Variants in SETBP1 observed in about 807,000 individuals in gnomAD.
SETBP1 encodes SET binding protein 1, also known as SET-binding protein.
A neutral mutation model predicts 101.0 loss-of-function variants in SETBP1; 9 were observed. The observed-to-expected ratio is 0.09, with a 90% CI of 0.05 to 0.16. The LOEUF (loss-of-function observed/expected upper bound fraction) is 0.16, where lower values mean the gene tolerates loss of function less well. Among genes scored for constraint, SETBP1 ranks in the 10% least tolerant of loss-of-function variants. The pLI is 1.00. For missense variants in SETBP1, 1,858 were observed against 2,033.8 expected, an observed-to-expected ratio of 0.91 and a Z score of 1.66; for synonymous variants, 818 against 788.5, an observed-to-expected ratio of 1.04 and a Z score of -0.63.
At chr18:44,689,796 A>G (rs1476276216) in intron 1 of SETBP1, among the ~76,000 whole-genome samples, 1 of 152,194 alleles carries the variant, frequency 6.6e-6, no homozygotes, top group African/African-American at 2.4e-5. Flanking sequence ...GGGAGAAAGG[A>G]GAACAGTTCA....
chr18:44,723,773 T>C (rs1330919697), intron 2 of SETBP1, among the ~76,000 whole-genome samples: 1 of 151,050 alleles, frequency 6.6e-6, no homozygotes, highest in Non-Finnish European at 1.5e-5. Flanking sequence ...GCAGTGGGGG[T>C]GGGGAGGGGA....
chr18:45,061,592 A>T (rs946354228), intron 5 of SETBP1, among the ~76,000 whole-genome samples: 4 of 151,924 alleles, frequency 2.6e-5, no homozygotes, highest in African/African-American at 9.7e-5. Context: ...AGCTCTTTCC[A>T]CTCCATGAAG....
intron 3 of SETBP1, among the ~76,000 whole-genome samples, chr18:44,887,363 C>T (rs1259509006): frequency 6.6e-6 from 1 of 152,156 alleles, no homozygotes; most frequent in African/African-American, 2.4e-5. Flanking sequence ...GAAATTACAA[C>T]TCCTTTATCT....
At chr18:45,018,067 C>G (rs933355565) in intron 4 of SETBP1, among the ~76,000 whole-genome samples, 1 of 152,172 alleles carries the variant, frequency 6.6e-6, no homozygotes. Flanking sequence ...CCTTCCCAGT[C>G]CTGATAGTCT....
At chr18:44,729,088 A>G (rs533997808) in intron 2 of SETBP1, among the ~76,000 whole-genome samples, 1 of 152,350 alleles carries the variant, frequency 6.6e-6, no homozygotes, top group Non-Finnish European at 1.5e-5. Context: ...ACAGTAGGTC[A>G]TCTGCCTGTT....
intron 3 of SETBP1, among the ~76,000 whole-genome samples, chr18:44,916,209 GAGCAAGA>G (rs2070423100): frequency 6.6e-6 from 1 of 152,198 alleles, no homozygotes; most frequent in African/African-American, 2.4e-5. Flanking sequence ...CTGGGTGACA[GAGCAAGA>G]CTCTGTCTCA....
At chr18:44,730,794 G>A (rs1240549893) in intron 2 of SETBP1, among the ~76,000 whole-genome samples, 1 of 152,158 alleles carries the variant, frequency 6.6e-6, no homozygotes, top group Non-Finnish European at 1.5e-5. Flanking sequence ...AGATTGTCCT[G>A]GGAGCCCTTT....
chr18:44,942,378 T>C (rs1031255174), intron 3 of SETBP1, among the ~76,000 whole-genome samples: 2 of 152,196 alleles, frequency 1.3e-5, no homozygotes, highest in Non-Finnish European at 2.9e-5. Flanking sequence ...GACTAAAATT[T>C]TTCCAGATAC....
Position 44,890,524 on chromosome 18 carries a change from A to G in SETBP1, c.540+21241A>G, listed in dbSNP as rs190370828. 3.4e-4 allele frequency among the ~76,000 whole-genome samples: 52 copies of G among 152,280 alleles called. 1 individual carries two copies. The highest frequency in any genetic ancestry group is 3.0e-3 in the Admixed American group (46 of 15,282). On this transcript the variant is annotated intron_variant, in intron 3 of 5. Transcript: ENST00000649279. Reference sequence around the variant, plus strand: ...AGATGGAGTATTTGGAGATGTTTGTATAGATCCTATGGACACGATATATCA... The same window carrying G: ...AGATGGAGTATTTGGAGATGTTTGTGTAGATCCTATGGACACGATATATCA...
chr18:44,925,415 A>G (rs989348174), intron 3 of SETBP1, among the ~76,000 whole-genome samples: 1 of 152,116 alleles, frequency 6.6e-6, no homozygotes, highest in Admixed American at 6.5e-5. Flanking sequence ...GGCTACTTTT[A>G]TGATGGGAGA....
At chr18:45,059,883 A>G (rs1032862562) in intron 5 of SETBP1, among the ~76,000 whole-genome samples, 4 of 152,184 alleles carry the variant, frequency 2.6e-5, no homozygotes, top group South Asian at 2.1e-4. Context: ...GTTGAGTAGT[A>G]GGTGAGTCAT....
intron 4 of SETBP1, among the ~76,000 whole-genome samples, chr18:44,996,031 T>G (rs76276083): frequency 0.016 from 2,367 of 152,322 alleles, 52 homozygotes; most frequent in African/African-American, 0.053. Flanking sequence ...AAATCAAATT[T>G]CAACAGGTCC....
chr18:44,947,364 C>T (rs1423927594), intron 3 of SETBP1, among the ~76,000 whole-genome samples: 7 of 151,924 alleles, frequency 4.6e-5, no homozygotes, highest in Non-Finnish European at 1.0e-4. Context: ...CCTAGCGTCA[C>T]CATGGAGCCT....
At chr18:44,768,612 G>T (rs935906395) in intron 2 of SETBP1, among the ~76,000 whole-genome samples, 17 of 152,220 alleles carry the variant, frequency 1.1e-4, no homozygotes, top group Admixed American at 3.9e-4. Context: ...TGATTACCGG[G>T]TGTTTTGTTC....
chr18:44,901,044 A>G (rs547611178), intron 3 of SETBP1, among the ~76,000 whole-genome samples: 31 of 152,186 alleles, frequency 2.0e-4, no homozygotes, highest in Non-Finnish European at 3.7e-4. Context: ...ACAATAAACT[A>G]CACATGGGTC....
chr18:44,985,387 G>A (rs191361374), intron 4 of SETBP1, among the ~76,000 whole-genome samples: 78 of 152,222 alleles, frequency 5.1e-4, no homozygotes, highest in African/African-American at 1.9e-3. Context: ...TTATTTCTCT[G>A]GAGCTATGCT....
chr18:44,893,607 T>C (rs595459), intron 3 of SETBP1, among the ~76,000 whole-genome samples: 82,097 of 151,964 alleles, frequency 0.54, 22,221 homozygotes, highest in Non-Finnish European at 0.55. Context: ...AAGTCTTTCA[T>C]TTTTGAACTT....
chr18:44,915,809 T>G (rs2070412670), intron 3 of SETBP1, among the ~76,000 whole-genome samples: 1 of 152,194 alleles, frequency 6.6e-6, no homozygotes, highest in Non-Finnish European at 1.5e-5. Flanking sequence ...ATGAGATGAC[T>G]GTTATAATAT....
intron 2 of SETBP1, among the ~76,000 whole-genome samples, chr18:44,707,014 C>T (rs1396046142): frequency 1.3e-5 from 2 of 152,198 alleles, no homozygotes; most frequent in African/African-American, 4.8e-5. Flanking sequence ...AACTGTTTTA[C>T]ATTACTCACC....
Sources: allele counts gnomAD v4.1 joint callset (sites outside exome capture counted in the v4.1 genomes callset), GRCh38; gene constraint gnomAD v4.1.1; transcripts MANE v1.5; gene names NCBI Gene and HGNC (gene_info 2026-07-23, HGNC 2026-07-21).